Variants in PLEKHG7 observed in about 807,000 individuals in gnomAD.
PLEKHG7 encodes the protein pleckstrin homology domain-containing family G member 7.
In PLEKHG7, 77 loss-of-function variants were observed where a neutral mutation model predicts 85.2. That is an observed-to-expected ratio of 0.90 (90% CI 0.75 to 1.09). The LOEUF is 1.09. Among genes scored for constraint, PLEKHG7 ranks in the 50% least tolerant of loss-of-function variants. The pLI, the probability that PLEKHG7 is intolerant of heterozygous loss-of-function variation, is 0.00. For missense variants in PLEKHG7, 777 were observed against 804.3 expected (o/e 0.97, Z 0.41); for synonymous variants, 301 against 302.4 (o/e 1.00, Z 0.05).
chr12:92,739,920 G>A (rs1280736953), intron 7 of PLEKHG7, among the ~76,000 whole-genome samples: 1 of 152,152 alleles, frequency 6.6e-6, no homozygotes, highest in East Asian at 1.9e-4. Flanking sequence ...GTGGCCTCTA[G>A]ACCAGCAGCA....
chr12:92,740,663 T>C (rs1374624926), intron 7 of PLEKHG7, among the ~76,000 whole-genome samples, 190 bp from the exon 8 acceptor site: 2 of 152,192 alleles, frequency 1.3e-5, no homozygotes, highest in African/African-American at 2.4e-5. Flanking sequence ...GAAAAGCTCA[T>C]TTCCAATATG....
rs1452212962 is a variant in PLEKHG7 at position 92,771,757 on chromosome 12, T to G, written c.*1562T>G. On this transcript the variant is annotated 3_prime_UTR_variant, in exon 17 of 17. Coordinates refer to ENST00000344636, the MANE Select transcript of PLEKHG7 (RefSeq NM_001377329.1). Reference sequence around the variant, plus strand: ...ATAAACTAACCTCGGAGGTGAGCAGTGGACTAGGATGAGGTGGCCTCTCAA... The same window carrying G: ...ATAAACTAACCTCGGAGGTGAGCAGGGGACTAGGATGAGGTGGCCTCTCAA... 2 of 152,060 alleles carry G rather than the reference T, an allele frequency of 1.3e-5. No homozygotes were observed. Among genetic ancestry groups the G allele is most frequent in the African/African-American group, 4.8e-5 (2 of 41,440 alleles). The allele number at this position is 152,060 out of a possible 1,614,324, so 9.4% of individuals were successfully genotyped here.
chr12:92,764,321 T>C (rs1592690109), intron 15 of PLEKHG7, 127 bp downstream of exon 15: 1 of 934,334 alleles, frequency 1.1e-6, no homozygotes, highest in East Asian at 2.7e-5. Flanking sequence ...TTCCTATGTG[T>C]CTACATATCT....
intron 15 of PLEKHG7, among the ~76,000 whole-genome samples, chr12:92,767,933 C>T (rs7311319): frequency 0.27 from 40,325 of 151,936 alleles, 5,850 homozygotes; most frequent in Non-Finnish European, 0.33. Context: ...AGGGCGGGCG[C>T]GGTGGCTCAT....
chr12:92,742,180 A>C (rs1338501630), intron 9 of PLEKHG7, among the ~76,000 whole-genome samples: 2 of 152,160 alleles, frequency 1.3e-5, no homozygotes, highest in African/African-American at 4.8e-5. Flanking sequence ...TAAGAGAAAA[A>C]GATAGATTGA....
intron 10 of PLEKHG7, among the ~76,000 whole-genome samples, chr12:92,750,605 C>T (rs1011706287): frequency 5.9e-5 from 9 of 152,174 alleles, no homozygotes; most frequent in African/African-American, 2.2e-4. Context: ...GGACAGGGGC[C>T]TAACTGCTGC....
chr12:92,710,215 G>A (rs1273590495), intron 3 of PLEKHG7, among the ~76,000 whole-genome samples: 1 of 152,146 alleles, frequency 6.6e-6, no homozygotes, highest in Admixed American at 6.5e-5. Context: ...CCATATATTG[G>A]ATGCTGATTC....
chr12:92,741,059 C>A, intron 8 of PLEKHG7, 111 bp downstream of exon 8: 1 of 686,674 alleles, frequency 1.5e-6, no homozygotes, highest in Non-Finnish European at 2.4e-6. Context: ...ATATTCCATT[C>A]CCAGTCAGGA....
chr12:92,757,280 A>G (rs914658747), intron 13 of PLEKHG7, among the ~76,000 whole-genome samples: 7 of 152,240 alleles, frequency 4.6e-5, no homozygotes, highest in Non-Finnish European at 8.8e-5. Context: ...TTCATGCCCA[A>G]TAAATATCAT....
intron 3 of PLEKHG7, among the ~76,000 whole-genome samples, chr12:92,715,866 G>A (rs1871472124): frequency 6.6e-6 from 1 of 152,008 alleles, no homozygotes; most frequent in African/African-American, 2.4e-5. Flanking sequence ...TTTCAACATT[G>A]TAATGGCAGA....
At chr12:92,719,971 G>C (rs558720786) in intron 3 of PLEKHG7, among the ~76,000 whole-genome samples, 2 of 152,316 alleles carry the variant, frequency 1.3e-5, no homozygotes, top group Admixed American at 1.3e-4. Flanking sequence ...TAAGGAAACG[G>C]TGGCCCGGGG....
At position 92,770,831 on chromosome 12, in the gene PLEKHG7, A is replaced by G. The variant is rs1565800110; in HGVS notation, c.*636A>G. ...CTAAATTCCATTACTTTAAGATAGG[A>G]AGAAAAAAAAAATCTGGCTTTCACC... On this transcript the variant is annotated 3_prime_UTR_variant, in exon 17 of 17. Coordinates refer to ENST00000344636, the MANE Select transcript of PLEKHG7 (RefSeq NM_001377329.1). The G allele has an allele frequency of 7.3e-6, 1 of 137,374 alleles. No individual in the cohort carries two copies. The highest frequency in any genetic ancestry group is 1.7e-5 in the Non-Finnish European group (1 of 60,334). 8.5% of individuals were successfully genotyped at this position (137,374 alleles called of 1,614,324 possible). A position where few individuals can be genotyped will look rare whatever the true frequency, so the allele number is the denominator to read the frequency against.
chr12:92,760,518 A>T (rs543354451), intron 13 of PLEKHG7, among the ~76,000 whole-genome samples: 3 of 151,750 alleles, frequency 2.0e-5, no homozygotes, highest in East Asian at 3.9e-4. Flanking sequence ...CTTCTAGAAC[A>T]ATATATATAT....
chr12:92,764,337 T>C (rs1408087121), intron 15 of PLEKHG7, 143 bp downstream of exon 15: 2 of 828,508 alleles, frequency 2.4e-6, no homozygotes, highest in African/African-American at 3.5e-5. Context: ...TATCTTTCAC[T>C]CTATGAATTA....
chr12:92,762,152 T>C (rs934007466), intron 14 of PLEKHG7, among the ~76,000 whole-genome samples: 1 of 152,242 alleles, frequency 6.6e-6, no homozygotes, highest in African/African-American at 2.4e-5. Flanking sequence ...CTGACCTGCC[T>C]AAGCAAAGGA....
intron 13 of PLEKHG7, among the ~76,000 whole-genome samples, chr12:92,758,339 G>A (rs17020704): frequency 0.084 from 12,742 of 152,268 alleles, 627 homozygotes; most frequent in Middle Eastern, 0.12. Flanking sequence ...TTTTATGATC[G>A]ACAAAGTGGA....
At chr12:92,737,327 C>A in intron 6 of PLEKHG7, 51 bp from the exon 7 acceptor site, 1 of 1,328,998 alleles carries the variant, frequency 7.5e-7, no homozygotes, top group Non-Finnish European at 9.7e-7. Flanking sequence ...GCCAACAGGT[C>A]AATCCACTGA....
chr12:92,748,613 A>G (rs969304101), intron 10 of PLEKHG7, among the ~76,000 whole-genome samples: 2 of 152,184 alleles, frequency 1.3e-5, no homozygotes, highest in African/African-American at 2.4e-5. Flanking sequence ...TTAATTCGGA[A>G]CACAAACCTG....
chr12:92,751,853 C>T (rs1405844191), intron 10 of PLEKHG7, among the ~76,000 whole-genome samples: 2 of 152,062 alleles, frequency 1.3e-5, no homozygotes, highest in African/African-American at 4.8e-5. Context: ...CCAGTCTCTA[C>T]AAAAAATTTA....
Sources: allele counts gnomAD v4.1 joint callset (sites outside exome capture counted in the v4.1 genomes callset), GRCh38; gene constraint gnomAD v4.1.1; transcripts MANE v1.5; gene names NCBI Gene and HGNC (gene_info 2026-07-23, HGNC 2026-07-21).